The following NFIB variants were observed in gnomAD, a reference collection of about 807,000 sequenced individuals.
NFIB encodes nuclear factor 1 B-type.
NFIB carries 11 observed loss-of-function variants against 61.5 expected under a neutral mutation model. The observed-to-expected ratio is 0.18, with a 90% CI of 0.11 to 0.30. The LOEUF is 0.30. Ranked by LOEUF, NFIB falls within the 10% of genes least tolerant of loss-of-function variation. The pLI is 1.00. For missense variants in NFIB, 471 were observed against 608.9 expected, an observed-to-expected ratio of 0.77 and a Z score of 2.38; for synonymous variants, 260 against 216.5, an observed-to-expected ratio of 1.20 and a Z score of -1.76.
upstream of NFIB, among the ~76,000 whole-genome samples, chr9:14,315,376 C>G (rs2060494023): frequency 6.6e-6 from 1 of 150,776 alleles, no homozygotes; most frequent in South Asian, 2.1e-4. Flanking sequence ...GCCTCTTGCT[C>G]CCTCCACCTC....
chr9:14,346,982 G>A lies in NFIB; in HGVS notation c.109-39462C>T, dbSNP rs1222524793. On this transcript the variant is annotated intron_variant, in intron 1 of 8. Transcript: ENST00000380934. ...TCCCGCACGAATTAGCCTCACAACA[G>A]GACCTAGGTCTCCTAGGGAGACGAA... is the stretch of plus-strand genomic sequence containing the variant. Among the ~76,000 whole-genome samples, 3 of 151,818 alleles carry A rather than the reference G, an allele frequency of 2.0e-5. No individual in the cohort carries two copies. The South Asian group carries it at 6.2e-4, about 32-fold the overall frequency.
At chr9:14,476,400 C>T in the NFIB span, among the ~76,000 whole-genome samples, 1 of 152,074 alleles carries the variant, frequency 6.6e-6, no homozygotes, top group African/African-American at 2.4e-5. Context: ...TCTTGACTCA[C>T]CTTCTCAAAC....
intron 2 of NFIB, among the ~76,000 whole-genome samples, chr9:14,234,022 T>C (rs1485920115): frequency 1.3e-5 from 2 of 152,216 alleles, no homozygotes; most frequent in Non-Finnish European, 1.5e-5. Flanking sequence ...GTCAAGGGCA[T>C]TGTTTTATTG....
the NFIB span, among the ~76,000 whole-genome samples, chr9:14,531,050 T>C: frequency 6.6e-6 from 1 of 152,216 alleles, no homozygotes. Context: ...CAAGAGACCA[T>C]TGTCCACACA....
At chr9:14,268,354 G>A (rs1280201791) in intron 2 of NFIB, among the ~76,000 whole-genome samples, 1 of 152,016 alleles carries the variant, frequency 6.6e-6, no homozygotes, top group Non-Finnish European at 1.5e-5. Flanking sequence ...TGTGGCATTT[G>A]AAGCCCTCAG....
chr9:14,222,483 G>C (rs1410080999), intron 2 of NFIB, among the ~76,000 whole-genome samples: 1 of 152,128 alleles, frequency 6.6e-6, no homozygotes, highest in Non-Finnish European at 1.5e-5. Flanking sequence ...AGGTAAATCT[G>C]TCCCTTTATT....
At chr9:14,329,805 G>T (rs1474454134) in intron 1 of NFIB, among the ~76,000 whole-genome samples, 1 of 150,860 alleles carries the variant, frequency 6.6e-6, no homozygotes, top group Non-Finnish European at 1.5e-5. Context: ...GAGCCACCAC[G>T]CCCAGCCATC....
intron 1 of NFIB, among the ~76,000 whole-genome samples, chr9:14,335,883 T>A (rs1157376477): frequency 6.6e-6 from 1 of 152,236 alleles, no homozygotes. Flanking sequence ...ATTCATTACT[T>A]TTATATGGAT....
At chr9:14,089,655 G>C (rs73409926) in intron 10 of NFIB, among the ~76,000 whole-genome samples, 2 of 151,956 alleles carry the variant, frequency 1.3e-5, no homozygotes, top group African/African-American at 2.4e-5. Context: ...ATACTTTCGA[G>C]GTTTTAAATT....
At chr9:14,260,944 T>C (rs780028057) in intron 2 of NFIB, among the ~76,000 whole-genome samples, 7 of 152,118 alleles carry the variant, frequency 4.6e-5, no homozygotes, top group Non-Finnish European at 8.8e-5. Context: ...AGCTTTTTAA[T>C]AGCAAGAAAC....
At chr9:14,322,384 G>C (rs1013109856) in intron 1 of NFIB, 45 of 237,416 alleles carry the variant, frequency 1.9e-4, no homozygotes, top group Non-Finnish European at 4.1e-5. Context: ...GCTGCTCCAG[G>C]AGTGGGGCTG....
chr9:14,180,655 T>G (rs1222901391), intron 2 of NFIB: 1 of 152,248 alleles, frequency 6.6e-6, no homozygotes, highest in African/African-American at 2.4e-5. Context: ...TATTATACAC[T>G]TACTTGCGAG....
chr9:14,419,896 T>C, the NFIB span, among the ~76,000 whole-genome samples: 109,284 of 152,140 alleles, frequency 0.72, 39,645 homozygotes, highest in Admixed American at 0.79. Flanking sequence ...GACCAAAAAG[T>C]ATAGAATTTT....
chr9:14,181,281 T>C (rs1458482306), intron 2 of NFIB, among the ~76,000 whole-genome samples: 1 of 152,212 alleles, frequency 6.6e-6, no homozygotes, highest in Non-Finnish European at 1.5e-5. Context: ...TTTCATGAGA[T>C]CTTGGCAGGC....
At chr9:14,375,423 CA>C (rs2061407062) in intron 1 of NFIB, among the ~76,000 whole-genome samples, 1 of 152,108 alleles carries the variant, frequency 6.6e-6, no homozygotes, top group Non-Finnish European at 1.5e-5. Context: ...TTTGGGAGGC[CA>C]AGGTGGGTGG....
At chr9:14,147,201 CA>C (rs138629694) in intron 5 of NFIB, among the ~76,000 whole-genome samples, 1,722 of 152,084 alleles carry the variant, frequency 0.011, 28 homozygotes, top group African/African-American at 0.039. Context: ...TTGTCATTGA[CA>C]ATGCAATCCA....
intron 1 of NFIB, among the ~76,000 whole-genome samples, chr9:14,323,856 C>G (rs189316641): frequency 1.4e-3 from 207 of 152,276 alleles, no homozygotes; most frequent in African/African-American, 4.8e-3. Flanking sequence ...ACACATCATA[C>G]ATACGTTTGG....
At chr9:14,169,621 G>T (rs971534143) in intron 3 of NFIB, among the ~76,000 whole-genome samples, 1 of 152,180 alleles carries the variant, frequency 6.6e-6, no homozygotes, top group Non-Finnish European at 1.5e-5. Flanking sequence ...AGGAGTTCAA[G>T]ACCAGCCTGG....
intron 2 of NFIB, among the ~76,000 whole-genome samples, chr9:14,257,447 A>G (rs2132196818): frequency 6.6e-6 from 1 of 152,280 alleles, no homozygotes; most frequent in East Asian, 1.9e-4. Flanking sequence ...AACCTCAAAA[A>G]TCTTTCAGTA....
Sources: gnomAD v4.1 joint callset for allele counts (sites outside exome capture counted in the v4.1 genomes callset) on GRCh38, gnomAD v4.1.1 for gene constraint, MANE v1.5 for transcripts, NCBI Gene and HGNC (gene_info 2026-07-23, HGNC 2026-07-21) for gene names.